Variants in SBF2 observed in about 807,000 individuals in gnomAD.
SBF2 encodes myotubularin-related protein 13.
Under a neutral mutation model 225.2 loss-of-function variants are expected in SBF2, and 112 were observed. The observed-to-expected ratio is 0.50, with a 90% CI of 0.43 to 0.58. SBF2 has a LOEUF of 0.58. Among genes scored for constraint, SBF2 ranks in the 20% least tolerant of loss-of-function variants. SBF2 has a pLI of 0.00. For missense variants in SBF2, 1,996 were observed against 2,206.2 expected (o/e 0.90, Z 1.91); for synonymous variants, 763 against 773.3 (o/e 0.99, Z 0.22).
At chr11:9,891,714 T>G (rs1332639179) in intron 17 of SBF2, among the ~76,000 whole-genome samples, 2 of 152,224 alleles carry the variant, frequency 1.3e-5, no homozygotes, top group Admixed American at 1.3e-4. Context: ...TAAGAGTTAA[T>G]GAATTACATG....
At chr11:10,186,810 C>T (rs2135306701) in intron 2 of SBF2, among the ~76,000 whole-genome samples, 1 of 152,290 alleles carries the variant, frequency 6.6e-6, no homozygotes, top group Admixed American at 6.5e-5. Flanking sequence ...ATATAAAACA[C>T]AGTAAATCAC....
intron 2 of SBF2, among the ~76,000 whole-genome samples, chr11:10,147,756 A>G (rs1954959158): frequency 6.6e-6 from 1 of 152,194 alleles, no homozygotes; most frequent in African/African-American, 2.4e-5. Flanking sequence ...CACAACTACT[A>G]CAAATTCTAT....
chr11:10,099,764 A>C (rs1006534871), intron 2 of SBF2, among the ~76,000 whole-genome samples: 1 of 152,194 alleles, frequency 6.6e-6, no homozygotes, highest in African/African-American at 2.4e-5. Flanking sequence ...AGATGTTATC[A>C]GTTTAAAAAA....
At chr11:9,888,769 T>C (rs1430377994) in intron 17 of SBF2, among the ~76,000 whole-genome samples, 2 of 152,234 alleles carry the variant, frequency 1.3e-5, no homozygotes, top group East Asian at 1.9e-4. Context: ...AACTCTATTA[T>C]AGTTAAAGAA....
intron 1 of SBF2, among the ~76,000 whole-genome samples, chr11:10,215,087 C>G (rs150242945): frequency 1.3e-5 from 2 of 152,278 alleles, no homozygotes; most frequent in Non-Finnish European, 2.9e-5. Context: ...AAACCCACTG[C>G]TAAATGACAA....
At chr11:10,220,147 G>T (rs1262141710) in intron 1 of SBF2, among the ~76,000 whole-genome samples, 1 of 152,184 alleles carries the variant, frequency 6.6e-6, no homozygotes, top group African/African-American at 2.4e-5. Context: ...CACAATCATG[G>T]CGCAAGGCAA....
chr11:10,223,398 A>AC (rs1958411569), intron 1 of SBF2, among the ~76,000 whole-genome samples: 1 of 54,498 alleles, frequency 1.8e-5, no homozygotes. Context: ...TATTTTGCAC[A>AC]TTATATATAT....
Position 10,277,501 on chromosome 11 carries a change from C to T in SBF2, c.55+16514G>A, listed in dbSNP as rs140343247. On this transcript the variant is annotated intron_variant, in intron 1 of 39. Transcript: ENST00000256190. ...TAGATTTCCTAATATTTACAAACTA[C>T]TATTATTATAATAACTGCATGAACC... is the stretch of plus-strand genomic sequence containing the variant. 5.3e-4 allele frequency among the ~76,000 whole-genome samples: 80 copies of T among 152,288 alleles called. 1 individual carries two copies. In the East Asian group the frequency reaches 0.012, roughly 22 times the overall value.
At chr11:9,967,974 T>TAC (rs1357617779) in intron 14 of SBF2, among the ~76,000 whole-genome samples, 7 of 87,396 alleles carry the variant, frequency 8.0e-5, no homozygotes, top group Non-Finnish European at 1.7e-4. Context: ...TCTCTCTCTA[T>TAC]ATATATATAT....
At chr11:10,173,915 G>C (rs1357445437) in intron 2 of SBF2, among the ~76,000 whole-genome samples, 19 of 151,356 alleles carry the variant, frequency 1.3e-4, no homozygotes, top group African/African-American at 3.4e-4. Flanking sequence ...ACACCTCACA[G>C]GGCCGGGTAC....
intron 2 of SBF2, among the ~76,000 whole-genome samples, chr11:10,168,406 T>C (rs954506199): frequency 1.3e-5 from 2 of 152,182 alleles, no homozygotes; most frequent in Non-Finnish European, 2.9e-5. Flanking sequence ...ACTAACTTAT[T>C]AGTTTCTAGA....
At chr11:9,822,409 C>A (rs899709846) in intron 28 of SBF2, among the ~76,000 whole-genome samples, 1 of 151,992 alleles carries the variant, frequency 6.6e-6, no homozygotes, top group Non-Finnish European at 1.5e-5. Context: ...TACAGGCGCC[C>A]GCCACCACGC....
At chr11:9,969,951 T>C (rs1867217719) in intron 13 of SBF2, among the ~76,000 whole-genome samples, 1 of 152,180 alleles carries the variant, frequency 6.6e-6, no homozygotes, top group South Asian at 2.1e-4. Context: ...AAGAATTGAA[T>C]TAAATGTGTC....
intron 2 of SBF2, chr11:10,044,486 G>C (rs766898343): frequency 1.2e-5 from 2 of 169,916 alleles, no homozygotes; most frequent in Admixed American, 6.4e-5. Context: ...GCAAAGGGGA[G>C]AAGGGAAAAG....
chr11:10,106,265 A>C (rs1482214524), intron 2 of SBF2, among the ~76,000 whole-genome samples: 1 of 152,186 alleles, frequency 6.6e-6, no homozygotes, highest in African/African-American at 2.4e-5. Flanking sequence ...GAAATAAAGA[A>C]AATAAAGAAA....
intron 16 of SBF2, among the ~76,000 whole-genome samples, chr11:9,939,728 C>T (rs1251253052): frequency 1.3e-5 from 2 of 152,074 alleles, no homozygotes; most frequent in Non-Finnish European, 2.9e-5. Flanking sequence ...TGGACAGCAA[C>T]CTGCCAATAC....
chr11:10,195,930 G>A (rs145935835), intron 1 of SBF2, among the ~76,000 whole-genome samples: 253 of 152,194 alleles, frequency 1.7e-3, no homozygotes, highest in Non-Finnish European at 2.7e-3. Context: ...CATCACTTAC[G>A]ACATCCCAAG....
chr11:10,225,058 G>A (rs1958484460), intron 1 of SBF2, among the ~76,000 whole-genome samples: 1 of 152,052 alleles, frequency 6.6e-6, no homozygotes, highest in African/African-American at 2.4e-5. Context: ...GGTATGAGGA[G>A]ACTAATTTAA....
At chr11:9,923,351 C>T (rs1863781551) in intron 16 of SBF2, among the ~76,000 whole-genome samples, 1 of 152,154 alleles carries the variant, frequency 6.6e-6, no homozygotes, top group African/African-American at 2.4e-5. Context: ...ACAAGGCGTG[C>T]TGAGTTCTAC....
Sources: allele counts gnomAD v4.1 joint callset (sites outside exome capture counted in the v4.1 genomes callset), GRCh38; gene constraint gnomAD v4.1.1; transcripts MANE v1.5; gene names NCBI Gene and HGNC (gene_info 2026-07-23, HGNC 2026-07-21).